Variants in LYPD1 observed in about 807,000 individuals in gnomAD.
LYPD1 encodes the protein ly6/PLAUR domain-containing protein 1.
Under a neutral mutation model 14.2 loss-of-function variants are expected in LYPD1, and 14 were observed. The ratio of observed to expected loss-of-function variants is 0.99; its 90% confidence interval spans 0.65 to 1.54. LYPD1 has a LOEUF of 1.54. Ranked by LOEUF, LYPD1 falls within the 40% of genes most tolerant of loss-of-function variation. The pLI is 0.00. For missense variants in LYPD1, 165 were observed against 175.7 expected, an observed-to-expected ratio of 0.94 and a Z score of 0.34; for synonymous variants, 85 against 70.6, an observed-to-expected ratio of 1.20 and a Z score of -1.02.
chr2:132,659,384 G>A (rs561934319), intron 2 of LYPD1, among the ~76,000 whole-genome samples: 6 of 152,282 alleles, frequency 3.9e-5, no homozygotes, highest in South Asian at 2.1e-4. Context: ...GAGAGTGTGC[G>A]TGAGAGAGAG....
intron 2 of LYPD1, among the ~76,000 whole-genome samples, chr2:132,653,270 A>G (rs910319083): frequency 1.3e-5 from 2 of 152,226 alleles, no homozygotes; most frequent in Non-Finnish European, 2.9e-5. Flanking sequence ...TGTAAGCCTC[A>G]GTTTGCCTTT....
At chr2:132,664,553 G>A (rs1037253093) in intron 2 of LYPD1, among the ~76,000 whole-genome samples, 6 of 152,204 alleles carry the variant, frequency 3.9e-5, no homozygotes, top group Non-Finnish European at 8.8e-5. Context: ...ATGTTGCAAA[G>A]GATGGGTGAA....
chr2:132,653,781 G>A (rs897202775), intron 2 of LYPD1, among the ~76,000 whole-genome samples: 2 of 152,188 alleles, frequency 1.3e-5, no homozygotes, highest in Non-Finnish European at 2.9e-5. Context: ...TGCGCCCCTT[G>A]CTACAGTGCA....
At chr2:132,652,662 G>A (rs1048462054) in intron 2 of LYPD1, among the ~76,000 whole-genome samples, 2 of 152,250 alleles carry the variant, frequency 1.3e-5, no homozygotes, top group East Asian at 1.9e-4. Flanking sequence ...CATTTCTCAC[G>A]GCTCTAATCC....
At chr2:132,653,344 C>A (rs1682427735) in intron 2 of LYPD1, among the ~76,000 whole-genome samples, 1 of 152,156 alleles carries the variant, frequency 6.6e-6, no homozygotes, top group Non-Finnish European at 1.5e-5. Context: ...TCCCAATGGA[C>A]AGAGCTGGAG....
chr2:132,650,892 TG>T (rs1682338392), intron 2 of LYPD1, among the ~76,000 whole-genome samples: 1 of 152,196 alleles, frequency 6.6e-6, no homozygotes, highest in African/African-American at 2.4e-5. Flanking sequence ...GTAGGTAATT[TG>T]CTTAGGGTCC....
Position 132,669,992 on chromosome 2 carries a change from AGGCTGCCCCGGCTGCAGCGGCTGT to A in LYPD1, c.-84_-61del, listed in dbSNP as rs1683569494. ...GCATCAGAGGAGGCGACAGCAGCGG[AGGCTGCCCCGGCTGCAGCGGCTGT>A]GGCTGCCGAGGCTGCTGGGGCCCGC... is the stretch of plus-strand genomic sequence containing the variant. On this transcript the variant is annotated 5_prime_UTR_variant, in exon 1 of 3. Coordinates refer to ENST00000397463, the MANE Select transcript of LYPD1 (RefSeq NM_144586.7). This position sits in a 1 kb window ranked among gnomAD's most constrained non-coding sequence, Gnocchi z 4.3. The A allele has an allele frequency of 1.3e-6, 2 of 1,593,740 alleles. No homozygotes were observed. Among genetic ancestry groups the A allele is most frequent in the Non-Finnish European group, 8.5e-7 (1 of 1,174,404 alleles).
rs956803419 is a variant in LYPD1, at chr2:132,644,558, T to C, written c.*1487A>G. Among the ~76,000 whole-genome samples, 1 of 152,264 alleles carries C rather than the reference T, an allele frequency of 6.6e-6. No homozygotes were observed. The highest frequency in any genetic ancestry group is 2.4e-5 in the African/African-American group (1 of 41,476). The stretch of plus-strand genomic sequence containing the variant: ...CTTGGCGACAGGCTATTCCTGACTT[T>C]GCTTCCCCTGAAACTGAATGCAAAA... On this transcript the variant is annotated 3_prime_UTR_variant, in exon 3 of 3. Transcript: ENST00000397463.
chr2:132,645,866 ATT>A lies in LYPD1; in HGVS notation c.*177_*178del. ...CATACTGAAAATTCAGTCAGGCTGA[ATT>A]TATTCAGAATGCTTTACCGAGCTCT... On this transcript the variant is annotated 3_prime_UTR_variant, in exon 3 of 3. Transcript: ENST00000397463. The A allele has an allele frequency of 4.5e-6, 3 of 659,398 alleles. No homozygotes were observed. The highest frequency in any genetic ancestry group is 7.6e-6 in the Non-Finnish European group (3 of 395,878). 40.8% of individuals were successfully genotyped at this position (659,398 alleles called of 1,614,324 possible).
intron 2 of LYPD1, chr2:132,646,594 A>C (rs79553521): frequency 3.1e-5 from 8 of 255,756 alleles, no homozygotes; most frequent in African/African-American, 1.5e-4. Flanking sequence ...ACTGTGTACA[A>C]GACACAGCTT....
chr2:132,644,946 A>G lies in LYPD1; in HGVS notation c.*1099T>C, dbSNP rs1424262263. 1.3e-6 allele frequency: 1 copy of G among 781,504 alleles called. No homozygotes were observed. The highest frequency in any genetic ancestry group is 1.7e-5 in the African/African-American group (1 of 57,198). 48.4% of individuals were successfully genotyped at this position (781,504 alleles called of 1,614,324 possible). A position where few individuals can be genotyped will look rare whatever the true frequency, so the allele number is the denominator to read the frequency against. ...AATTCTCTCTTGCTTGTGGCAAAAG[A>G]AGCTGTCAAGTCCAACACTGAAAAA... On this transcript the variant is annotated 3_prime_UTR_variant, in exon 3 of 3. Coordinates refer to ENST00000397463, the MANE Select transcript of LYPD1 (RefSeq NM_144586.7).
At chr2:132,660,741 C>T (rs1034582863) in intron 2 of LYPD1, among the ~76,000 whole-genome samples, 1 of 152,106 alleles carries the variant, frequency 6.6e-6, no homozygotes, top group Admixed American at 6.5e-5. Flanking sequence ...GCTTAGTCTT[C>T]TAGAAAAAAT....
At chr2:132,649,065 A>C (rs918215346) in intron 2 of LYPD1, among the ~76,000 whole-genome samples, 1 of 152,230 alleles carries the variant, frequency 6.6e-6, no homozygotes, top group Non-Finnish European at 1.5e-5. Context: ...GGACCTAGGC[A>C]TCAAGGTAAG....
chr2:132,663,445 T>C (rs1435913115), intron 2 of LYPD1, among the ~76,000 whole-genome samples: 1 of 152,082 alleles, frequency 6.6e-6, no homozygotes, highest in Admixed American at 6.6e-5. Context: ...AGCTAATTTT[T>C]TGTGTTTTTA....
chr2:132,650,656 A>G lies in LYPD1; in HGVS notation c.191-4376T>C, dbSNP rs1682325419. Among the ~76,000 whole-genome samples the G allele has an allele frequency of 3.3e-5, 5 of 152,174 alleles. No individual in the cohort carries two copies. The South Asian group carries it at 1.0e-3, about 32-fold the overall frequency. On this transcript the variant is annotated intron_variant, in intron 2 of 2. Coordinates refer to ENST00000397463, the MANE Select transcript of LYPD1 (RefSeq NM_144586.7). ...GATGATACTGAGTTAAAAACAAAGCAAAGTATGTCTGGAAGTTCCCTCCTT... is the reference window on the plus strand; with the variant it reads ...GATGATACTGAGTTAAAAACAAAGCGAAGTATGTCTGGAAGTTCCCTCCTT...
intron 2 of LYPD1, among the ~76,000 whole-genome samples, chr2:132,646,772 G>GAAAT (rs902080128): frequency 6.6e-6 from 1 of 152,186 alleles, no homozygotes; most frequent in African/African-American, 2.4e-5. Context: ...ATCCCGAAGG[G>GAAAT]AAATAAATGT....
intron 2 of LYPD1, among the ~76,000 whole-genome samples, chr2:132,654,875 A>C (rs1682499175): frequency 6.6e-6 from 1 of 152,112 alleles, no homozygotes; most frequent in South Asian, 2.1e-4. Context: ...CAGCCTCCCA[A>C]GTAGCTGGGA....
chr2:132,644,438 T>C lies in LYPD1; in HGVS notation c.*1607A>G, dbSNP rs1681945205. ...ATTCTTTTTCCCCACATGAGGGATC[T>C]AAAAGTGTCTGAAAAGAAACACATA... On this transcript the variant is annotated 3_prime_UTR_variant, in exon 3 of 3. Transcript: ENST00000397463. Among the ~76,000 whole-genome samples the C allele has an allele frequency of 6.6e-6, 1 of 152,230 alleles. No homozygotes were observed. The highest frequency in any genetic ancestry group is 2.4e-5 in the African/African-American group (1 of 41,458).
chr2:132,645,749 T>C lies in LYPD1; in HGVS notation c.*296A>G. Reference sequence around the variant, plus strand: ...TACAAAAGGCAGATGCCCACCTCAGTGACTTCTAAGGACTGACTCTGCCAG... The same window carrying C: ...TACAAAAGGCAGATGCCCACCTCAGCGACTTCTAAGGACTGACTCTGCCAG... On this transcript the variant is annotated 3_prime_UTR_variant, in exon 3 of 3. Transcript: ENST00000397463. The C allele has an allele frequency of 8.4e-7, 1 of 1,194,788 alleles. No homozygotes were observed. The highest frequency in any genetic ancestry group is 1.1e-6 in the Non-Finnish European group (1 of 871,050). 74.0% of individuals were successfully genotyped at this position (1,194,788 alleles called of 1,614,324 possible).
Sources: allele counts gnomAD v4.1 joint callset (sites outside exome capture counted in the v4.1 genomes callset), GRCh38; gene constraint gnomAD v4.1.1; non-coding constraint Gnocchi (gnomAD v3.1); transcripts MANE v1.5; gene names NCBI Gene and HGNC (gene_info 2026-07-23, HGNC 2026-07-21).